NRG1: variants seen among roughly 807,000 people sequenced by gnomAD.
NRG1 encodes the protein neuregulin 1.
NRG1 carries 18 observed loss-of-function variants against 63.8 expected under a neutral mutation model. The ratio of observed to expected loss-of-function variants is 0.28; its 90% confidence interval spans 0.19 to 0.42. The LOEUF (loss-of-function observed/expected upper bound fraction) is 0.42. Ranked by LOEUF, NRG1 falls within the 10% of genes least tolerant of loss-of-function variation. NRG1 has a pLI of 1.00. For synonymous variants in NRG1, 302 were observed against 301.3 expected, an observed-to-expected ratio of 1.00 and a Z score of -0.02; for missense variants, 762 against 814.7, an observed-to-expected ratio of 0.94 and a Z score of 0.79.
rs78890531 is a variant in NRG1, at chr8:32,200,478, C to T, written c.38-395350C>T. ...ACTTTTCTCTCATTTGCTCCACTTC[C>T]TCCCCACCCCACCCCTGTTTATTTA... On this transcript the variant is annotated intron_variant, in intron 1 of 10. Transcript: ENST00000519301. Among the ~76,000 whole-genome samples, 743 of 152,124 alleles carry T rather than the reference C, an allele frequency of 4.9e-3. 12 individuals carry two copies. The highest frequency in any genetic ancestry group is 0.017 in the African/African-American group (714 of 41,508).
chr8:31,837,400 T>A (rs929567239), intron 1 of NRG1, among the ~76,000 whole-genome samples: 1 of 152,128 alleles, frequency 6.6e-6, no homozygotes, highest in African/African-American at 2.4e-5. Flanking sequence ...TAATTTTGCA[T>A]GTTTATGGTT....
intron 1 of NRG1, among the ~76,000 whole-genome samples, chr8:31,772,262 G>A (rs1027417984): frequency 4.6e-5 from 7 of 151,918 alleles, no homozygotes; most frequent in African/African-American, 1.2e-4. Context: ...TTCTTGTCAC[G>A]TTTCTGTACC....
chr8:31,729,646 T>G (rs1422485315), intron 1 of NRG1, among the ~76,000 whole-genome samples: 2 of 152,184 alleles, frequency 1.3e-5, no homozygotes, highest in African/African-American at 4.8e-5. Context: ...ATCATTTACT[T>G]ATGCCCCATC....
intron 1 of NRG1, among the ~76,000 whole-genome samples, chr8:32,490,200 G>C (rs1203810314): frequency 6.6e-6 from 1 of 152,042 alleles, no homozygotes; most frequent in South Asian, 2.1e-4. Context: ...AGCTACAGGG[G>C]AGTCTGAGGT....
chr8:32,127,424 A>T (rs547495659), intron 1 of NRG1, among the ~76,000 whole-genome samples: 9 of 151,792 alleles, frequency 5.9e-5, no homozygotes, highest in Non-Finnish European at 1.0e-4. Context: ...GAACCTGAGG[A>T]GGAAAGAAAA....
rs543541747 is a variant in NRG1, at chr8:32,492,241, T to C, written c.38-103587T>C. Among the ~76,000 whole-genome samples the C allele has an allele frequency of 2.0e-5, 3 of 152,290 alleles. No homozygotes were observed. The South Asian group carries it at 6.2e-4, about 32-fold the overall frequency. On this transcript the variant is annotated intron_variant, in intron 1 of 10. Transcript: ENST00000519301. ...AGGTGGCCAATAAATCCTTGTGGAA[T>C]TGAGTTATATGGGAGTCAATTATTC...
In NRG1 at chr8:32,654,276, A is replaced by C. The variant is rs114556143; in HGVS notation, c.502+37391A>C. Among the ~76,000 whole-genome samples, 305 of 152,306 alleles carry C rather than the reference A, an allele frequency of 2.0e-3. 1 individual carries two copies. Among genetic ancestry groups the C allele is most frequent in the African/African-American group, 6.7e-3 (278 of 41,562 alleles). The stretch of plus-strand genomic sequence containing the variant: ...TTTAAAAGATTTGGTTTTCCCATTT[A>C]TTATTTAAATACTAATTAGTAAAAC... On this transcript the variant is annotated intron_variant, in intron 5 of 11. Transcript: ENST00000356819.
chr8:32,614,041 A>G lies in NRG1; in HGVS notation c.401-473A>G, dbSNP rs139796814. Among the ~76,000 whole-genome samples, 1,056 of 152,222 alleles carry G rather than the reference A, an allele frequency of 6.9e-3. 13 individuals are homozygous for G. Among genetic ancestry groups the G allele is most frequent in the African/African-American group, 0.024 (987 of 41,558 alleles). The stretch of plus-strand genomic sequence containing the variant: ...ATTCTCACTGGCAATTTTAAATAGA[A>G]TTCAATGCCAGAACTTGATGTTTTT... On this transcript the variant is annotated intron_variant, in intron 3 of 11. Coordinates refer to ENST00000356819, the Ensembl canonical transcript of NRG1.
intron 1 of NRG1, among the ~76,000 whole-genome samples, chr8:32,170,352 G>A (rs1839898790): frequency 1.3e-5 from 2 of 152,226 alleles, no homozygotes; most frequent in South Asian, 2.1e-4. Context: ...GGCAGAGAAA[G>A]GAGTTGGCAT....
At chr8:31,919,944 T>C (rs1243109091) in intron 1 of NRG1, among the ~76,000 whole-genome samples, 1 of 152,170 alleles carries the variant, frequency 6.6e-6, no homozygotes, top group Non-Finnish European at 1.5e-5. Context: ...TTATATAAGA[T>C]ACTTATAAAA....
chr8:32,699,817 G>A (rs80190771), intron 5 of NRG1, among the ~76,000 whole-genome samples: 1 of 152,212 alleles, frequency 6.6e-6, no homozygotes, highest in East Asian at 1.9e-4. Context: ...TAGAGGTCCG[G>A]CTGTGAATAG....
intron 1 of NRG1, among the ~76,000 whole-genome samples, chr8:32,534,006 A>G (rs75964611): frequency 0.014 from 2,079 of 152,168 alleles, 43 homozygotes; most frequent in African/African-American, 0.047. Flanking sequence ...ATAGAACTGT[A>G]ATTTTGGCAG....
chr8:31,951,546 C>T (rs947515821), intron 1 of NRG1, among the ~76,000 whole-genome samples: 4 of 152,220 alleles, frequency 2.6e-5, no homozygotes, highest in Non-Finnish European at 5.9e-5. Flanking sequence ...GAACTGTTCT[C>T]TTCCCAGTCC....
chr8:32,225,133 T>A (rs1321153392), intron 1 of NRG1, among the ~76,000 whole-genome samples: 1 of 152,132 alleles, frequency 6.6e-6, no homozygotes, highest in Non-Finnish European at 1.5e-5. Flanking sequence ...GCATTGGAAA[T>A]GACATCAACC....
intron 5 of NRG1, among the ~76,000 whole-genome samples, chr8:32,622,996 T>C (rs886385861): frequency 3.9e-5 from 6 of 152,256 alleles, no homozygotes; most frequent in African/African-American, 1.4e-4. Context: ...GAAATCACTA[T>C]GTCTTTTCAA....
intron 1 of NRG1, among the ~76,000 whole-genome samples, chr8:31,921,477 TAC>T (rs10557313): frequency 0.65 from 98,555 of 150,688 alleles, 32,481 homozygotes; most frequent in East Asian, 0.92. Flanking sequence ...TACACACACA[TAC>T]ACACACACAC....
intron 1 of NRG1, among the ~76,000 whole-genome samples, chr8:32,007,528 T>A (rs1008708215): frequency 6.6e-6 from 1 of 151,968 alleles, no homozygotes; most frequent in African/African-American, 2.4e-5. Flanking sequence ...CCAAAGGAAA[T>A]AACTAGCTTG....
chr8:32,475,391 G>A (rs1312640577), intron 1 of NRG1, among the ~76,000 whole-genome samples: 1 of 149,262 alleles, frequency 6.7e-6, no homozygotes, highest in Non-Finnish European at 1.5e-5. Context: ...CTTGAAGCCG[G>A]GAGGTGGAGG....
rs1349654660 is a variant in NRG1, at chr8:32,737,768, C to CAAG, written c.633-4907_633-4906insAAG. 2.4e-4 allele frequency among the ~76,000 whole-genome samples: 35 copies of CAAG among 148,278 alleles called. No individual in the cohort carries two copies. In the South Asian group the frequency reaches 7.3e-3, roughly 31 times the overall value. ...CTCTGCTCACTACAACCTCCGCCTTCTGGGTTCAAGCGATTCTCCTGCCTC... is the reference window on the plus strand; with the variant it reads ...CTCTGCTCACTACAACCTCCGCCTTCAAGTGGGTTCAAGCGATTCTCCTGCCTC... On this transcript the variant is annotated intron_variant, in intron 6 of 11. Coordinates refer to ENST00000356819, the Ensembl canonical transcript of NRG1.
Sources: allele counts gnomAD v4.1 joint callset (sites outside exome capture counted in the v4.1 genomes callset), GRCh38; gene constraint gnomAD v4.1.1; transcripts MANE v1.5; gene names NCBI Gene and HGNC (gene_info 2026-07-23, HGNC 2026-07-21).